ZCCHC7: variants seen among roughly 807,000 people sequenced by gnomAD.
The protein encoded by ZCCHC7 is zinc finger CCHC domain-containing protein 7.
In ZCCHC7, 35 loss-of-function variants were observed where a neutral mutation model predicts 52.0. The observed-to-expected ratio is 0.67, with a 90% CI of 0.51 to 0.89. The LOEUF (loss-of-function observed/expected upper bound fraction) is 0.89. ZCCHC7 is among the 40% of genes least tolerant of loss of function. The pLI is 0.00. For missense variants in ZCCHC7, 574 were observed against 649.1 expected (o/e 0.88, Z 1.26); for synonymous variants, 217 against 221.5 (o/e 0.98, Z 0.18).
intron 2 of ZCCHC7, among the ~76,000 whole-genome samples, chr9:37,245,034 T>C (rs1395933247): frequency 1.3e-5 from 2 of 151,956 alleles, no homozygotes; most frequent in African/African-American, 4.8e-5. Context: ...ATTATTCTTG[T>C]AGAAAATGAC....
intron 2 of ZCCHC7, among the ~76,000 whole-genome samples, chr9:37,199,670 TTC>T (rs35683721): frequency 0.34 from 50,161 of 148,884 alleles, 8,660 homozygotes; most frequent in Middle Eastern, 0.42. Context: ...CTGTCTGTCT[TTC>T]TCTCTGTCTG....
In ZCCHC7 at chr9:37,300,699, T is replaced by C. The variant is rs78855197; in HGVS notation, c.611-1489T>C. ...AACAAGTCAAGCTTGATTTGTGTTT[T>C]TGAGATAGAGGAAAGTAGTAAGGTA... On this transcript the variant is annotated intron_variant, in intron 2 of 8. Coordinates refer to ENST00000336755, the MANE Select transcript of ZCCHC7 (RefSeq NM_032226.3). Among the ~76,000 whole-genome samples, 1,460 of 152,328 alleles carry C rather than the reference T, an allele frequency of 9.6e-3. 22 individuals carry two copies. The highest frequency in any genetic ancestry group is 0.033 in the African/African-American group (1,351 of 41,568).
intron 2 of ZCCHC7, among the ~76,000 whole-genome samples, chr9:37,265,219 C>T (rs764295746): frequency 6.6e-6 from 1 of 152,078 alleles, no homozygotes; most frequent in Non-Finnish European, 1.5e-5. Flanking sequence ...TTACATTTGC[C>T]TTCTCCTTTT....
At chr9:37,290,913 T>C (rs757243748) in intron 2 of ZCCHC7, among the ~76,000 whole-genome samples, 1 of 152,222 alleles carries the variant, frequency 6.6e-6, no homozygotes, top group Non-Finnish European at 1.5e-5. Flanking sequence ...TGAAAAAGAC[T>C]AAATTATTAA....
chr9:37,310,235 C>T (rs1384070053), intron 5 of ZCCHC7, among the ~76,000 whole-genome samples: 1 of 152,182 alleles, frequency 6.6e-6, no homozygotes, highest in Non-Finnish European at 1.5e-5. Context: ...TTTCAGAAGA[C>T]AAGAACCTGG....
chr9:37,173,984 T>C (rs1369807410), intron 2 of ZCCHC7, among the ~76,000 whole-genome samples: 1 of 152,184 alleles, frequency 6.6e-6, no homozygotes, highest in Non-Finnish European at 1.5e-5. Flanking sequence ...AATTGTACAA[T>C]GTAGAAAATT....
At chr9:37,267,131 C>A (rs555578013) in intron 2 of ZCCHC7, among the ~76,000 whole-genome samples, 2 of 152,224 alleles carry the variant, frequency 1.3e-5, no homozygotes, top group African/African-American at 2.4e-5. Context: ...GTTTATTAAT[C>A]CTCATCATTT....
chr9:37,139,313 T>A (rs988803022), intron 2 of ZCCHC7, among the ~76,000 whole-genome samples: 4 of 152,032 alleles, frequency 2.6e-5, no homozygotes, highest in African/African-American at 9.6e-5. Context: ...AAGAAATAAA[T>A]ATTTTAATTG....
intron 2 of ZCCHC7, among the ~76,000 whole-genome samples, chr9:37,234,604 A>G (rs536260064): frequency 6.6e-6 from 1 of 152,224 alleles, no homozygotes; most frequent in Non-Finnish European, 1.5e-5. Flanking sequence ...ATTTTCTGAT[A>G]AGAAACACAG....
chr9:37,123,153 C>G (rs1209334147), intron 1 of ZCCHC7, among the ~76,000 whole-genome samples: 2 of 150,422 alleles, frequency 1.3e-5, no homozygotes, highest in Admixed American at 1.3e-4. Flanking sequence ...GAATCATGTA[C>G]AGGGATAAAA....
At chr9:37,148,136 G>T (rs775560754) in intron 2 of ZCCHC7, among the ~76,000 whole-genome samples, 59 of 152,028 alleles carry the variant, frequency 3.9e-4, no homozygotes, top group Middle Eastern at 3.2e-3. Context: ...TACTGATTGG[G>T]AACAAAGGCA....
chr9:37,164,441 T>TTAGATAGATAGATAGATAGA (rs58626855), intron 2 of ZCCHC7, among the ~76,000 whole-genome samples: 1 of 139,410 alleles, frequency 7.2e-6, no homozygotes, highest in Non-Finnish European at 1.5e-5. Context: ...TGAGACTGTC[T>TTAGATAGATAGATAGATAGA]TAGATAGATA....
At chr9:37,126,291 G>C in intron 1 of ZCCHC7, 21 bp from the exon 2 acceptor site, 1 of 1,576,158 alleles carries the variant, frequency 6.3e-7, no homozygotes, top group Non-Finnish European at 8.6e-7. Context: ...TATATTCTGT[G>C]TACAACTTTC....
chr9:37,287,777 C>T (rs1828325139), intron 2 of ZCCHC7, among the ~76,000 whole-genome samples: 1 of 152,040 alleles, frequency 6.6e-6, no homozygotes, highest in African/African-American at 2.4e-5. Flanking sequence ...GTCCTAATTA[C>T]ATTTGATCAA....
At chr9:37,292,475 C>A (rs1181045672) in intron 2 of ZCCHC7, among the ~76,000 whole-genome samples, 2 of 152,066 alleles carry the variant, frequency 1.3e-5, no homozygotes, top group Non-Finnish European at 2.9e-5. Context: ...TAATGTACTT[C>A]ATTCACTACA....
intron 1 of ZCCHC7, chr9:37,121,756 C>G (rs1842324598): frequency 6.6e-6 from 1 of 152,070 alleles, no homozygotes; most frequent in Admixed American, 6.5e-5. Flanking sequence ...TCGTAAAAAT[C>G]ATATATATAT....
At chr9:37,256,906 T>C (rs1826616323) in intron 2 of ZCCHC7, among the ~76,000 whole-genome samples, 1 of 152,232 alleles carries the variant, frequency 6.6e-6, no homozygotes, top group Non-Finnish European at 1.5e-5. Context: ...TAATGCCAGA[T>C]AATCTTCATA....
chr9:37,230,689 T>C (rs1033866207), intron 2 of ZCCHC7, among the ~76,000 whole-genome samples: 15 of 152,196 alleles, frequency 9.9e-5, no homozygotes, highest in Non-Finnish European at 1.9e-4. Context: ...TTCTCCTCTG[T>C]TGCGATATTG....
At chr9:37,296,070 G>A (rs1828769860) in intron 2 of ZCCHC7, among the ~76,000 whole-genome samples, 1 of 152,068 alleles carries the variant, frequency 6.6e-6, no homozygotes, top group Non-Finnish European at 1.5e-5. Flanking sequence ...ACTTTCAAAG[G>A]CATAAACCAC....
Sources: allele counts gnomAD v4.1 joint callset (sites outside exome capture counted in the v4.1 genomes callset), GRCh38; gene constraint gnomAD v4.1.1; transcripts MANE v1.5; gene names NCBI Gene and HGNC (gene_info 2026-07-23, HGNC 2026-07-21).